The following HNRNPL variants were observed in gnomAD, a reference collection of about 807,000 sequenced individuals.
HNRNPL encodes epididymis secretory sperm binding protein.
Under a neutral mutation model 64.0 loss-of-function variants are expected in HNRNPL, and 12 were observed. The observed-to-expected ratio is 0.19, with a 90% CI of 0.12 to 0.30. HNRNPL has a LOEUF of 0.30. Among genes scored for constraint, HNRNPL ranks in the 10% least tolerant of loss-of-function variants. The pLI is 1.00. For missense variants in HNRNPL, 484 were observed against 797.4 expected (o/e 0.61, Z 4.73); for synonymous variants, 385 against 313.0 (o/e 1.23, Z -2.43).
At chr19:38,839,097 AC>A in intron 8 of HNRNPL, 82 bp from the exon 9 acceptor site, 1 of 1,559,222 alleles carries the variant, frequency 6.4e-7, no homozygotes, top group Non-Finnish European at 8.8e-7. Flanking sequence ...AGTGATAATA[AC>A]CCCTGCTCTG....
At chr19:38,836,886 G>A (rs1467646146) in intron 12 of HNRNPL, 106 bp from the exon 13 acceptor site, 5 of 758,052 alleles carry the variant, frequency 6.6e-6, no homozygotes, top group African/African-American at 1.7e-5. Flanking sequence ...GTCAACGGCA[G>A]GGGTCTAAGG....
intron 6 of HNRNPL, chr19:38,841,732 G>A (rs766249596): frequency 2.3e-5 from 18 of 773,554 alleles, no homozygotes; most frequent in South Asian, 1.2e-4. Context: ...GTACACATCC[G>A]CTACAATTTT....
intron 9 of HNRNPL, 76 bp downstream of exon 9, chr19:38,838,818 G>T: frequency 6.3e-7 from 1 of 1,586,526 alleles, no homozygotes. Flanking sequence ...GCCTCACTGT[G>T]CTCCTCTGCT....
At chr19:38,843,712 A>AC (rs1437856190) in intron 6 of HNRNPL, 130 bp downstream of exon 6, 4 of 729,822 alleles carry the variant, frequency 5.5e-6, no homozygotes, top group Non-Finnish European at 9.4e-6. Flanking sequence ...CCAAGTGCTG[A>AC]CCCCAAGGCC....
At chr19:38,838,370 C>A (rs1018417807) in intron 10 of HNRNPL, 27 bp downstream of exon 10, 4 of 1,589,612 alleles carry the variant, frequency 2.5e-6, no homozygotes, top group Non-Finnish European at 3.4e-6. Flanking sequence ...AAGGACCCGA[C>A]TGCCTGCGCA....
Position 38,849,689 on chromosome 19 carries a change from C to T in HNRNPL, c.267+11G>A. On this transcript the variant is annotated intron_variant, in intron 1 of 12. Transcript: ENST00000221419. ...TCCCGGCCTTCCCAGCGCCTAGGGC[C>T]CTGGCCTCACCCCACCGCCGCCGCC... 1 of 1,349,134 alleles carries T rather than the reference C, an allele frequency of 7.4e-7. No homozygotes were observed. Among genetic ancestry groups the T allele is most frequent in the Non-Finnish European group, 9.4e-7 (1 of 1,060,300 alleles). 83.6% of individuals were successfully genotyped at this position (1,349,134 alleles called of 1,614,324 possible).
chr19:38,845,822 G>C (rs1482918815), intron 3 of HNRNPL, 31 bp downstream of exon 3: 2 of 1,599,912 alleles, frequency 1.3e-6, no homozygotes, highest in Non-Finnish European at 1.7e-6. Context: ...AAGGAAGGGA[G>C]ACCTCACAAG....
intron 10 of HNRNPL, among the ~76,000 whole-genome samples, chr19:38,838,015 C>T (rs776449500): frequency 1.3e-5 from 2 of 152,238 alleles, no homozygotes; most frequent in Admixed American, 1.3e-4. Flanking sequence ...CCTGACTGAG[C>T]TTTACAGGGC....
chr19:38,838,794 G>T, intron 9 of HNRNPL, 100 bp downstream of exon 9: 2 of 1,504,728 alleles, frequency 1.3e-6, no homozygotes, highest in Non-Finnish European at 1.8e-6. Flanking sequence ...ATTTCTGTGT[G>T]AGTCAACACC....
At chr19:38,846,674 C>T (rs940829190) in intron 2 of HNRNPL, among the ~76,000 whole-genome samples, 1 of 152,022 alleles carries the variant, frequency 6.6e-6, no homozygotes, top group Admixed American at 6.6e-5. Flanking sequence ...TTTGGGAGGC[C>T]GAGGCGGGCA....
At chr19:38,841,994 G>A (rs903407127) in intron 6 of HNRNPL, 10 of 274,976 alleles carry the variant, frequency 3.6e-5, no homozygotes, top group Admixed American at 1.0e-4. Flanking sequence ...TTTTGGCCTT[G>A]GGAGCGCGCC....
chr19:38,840,072 C>T (rs1972058549), intron 8 of HNRNPL, 24 bp downstream of exon 8: 1 of 1,612,440 alleles, frequency 6.2e-7, no homozygotes, highest in African/African-American at 1.3e-5. Context: ...AGCGAGGAAC[C>T]CAGGGGGCCC....
chr19:38,849,892 C>G lies in HNRNPL; in HGVS notation c.75G>C (p.Gln25His). Residue 25 changes from glutamine (Q) to histidine (H), a missense_variant, in exon 1 of 13, where the codon CAG (glutamine) becomes CAC (histidine). Transcript: ENST00000221419. The part of the protein sequence containing the change: ...RLEQRQQPDE[Q>H]RRRSGAMVKM... Reference sequence around the variant, plus strand: ...TCACCATCGCTCCCGACCGCCTCCGCTGCTCGTCCGGCTGCTGCCTCTGCT... The same window carrying G: ...TCACCATCGCTCCCGACCGCCTCCGGTGCTCGTCCGGCTGCTGCCTCTGCT... The G allele has an allele frequency of 8.0e-7, 1 of 1,257,238 alleles. No homozygotes were observed. The highest frequency in any genetic ancestry group is 1.1e-6 in the Non-Finnish European group (1 of 895,574). 77.9% of individuals were successfully genotyped at this position (1,257,238 alleles called of 1,614,324 possible). A position where few individuals can be genotyped will look rare whatever the true frequency, so the allele number is the denominator to read the frequency against.
intron 2 of HNRNPL, 102 bp downstream of exon 2, chr19:38,847,214 G>C: frequency 1.8e-6 from 1 of 564,408 alleles, no homozygotes; most frequent in South Asian, 3.8e-5. Flanking sequence ...ATCTAGACCA[G>C]GATGGCAACA....
rs1475427464 is a variant in HNRNPL at position 38,840,478 on chromosome 19, C to T, written c.952+10G>A. 1.9e-6 allele frequency: 3 copies of T among 1,587,494 alleles called. No individual in the cohort carries two copies. The highest frequency in any genetic ancestry group is 1.7e-6 in the Non-Finnish European group (2 of 1,168,470). ...ACGGGAGTCCACGGAGGGGAACCCC[C>T]TGCCCTCACCATATTCTGCGGGGTG... On this transcript the variant is annotated intron_variant, in intron 7 of 12. Transcript: ENST00000221419.
intron 8 of HNRNPL, chr19:38,839,244 T>C: frequency 1.9e-6 from 1 of 526,078 alleles, no homozygotes; most frequent in East Asian, 3.3e-5. Context: ...GTAAATCATT[T>C]AGTGAAGCAT....
chr19:38,841,960 C>T, intron 6 of HNRNPL: 1 of 322,946 alleles, frequency 3.1e-6, no homozygotes, highest in Non-Finnish European at 6.1e-6. Flanking sequence ...ATGAGGTGTG[C>T]CAGTGGCCCC....
At chr19:38,837,062 A>G (rs572797286) in intron 12 of HNRNPL, 1 of 544,894 alleles carries the variant, frequency 1.8e-6, no homozygotes, top group East Asian at 3.1e-5. Flanking sequence ...TACCTGCTGG[A>G]TAGTGTTGCC....
intron 7 of HNRNPL, 26 bp from the exon 8 acceptor site, chr19:38,840,402 G>T: frequency 6.4e-7 from 1 of 1,565,438 alleles, no homozygotes; most frequent in Non-Finnish European, 8.7e-7. Context: ...GAAAGAGAGG[G>T]AGGACGGGTG....
Sources: allele counts gnomAD v4.1 joint callset (sites outside exome capture counted in the v4.1 genomes callset), GRCh38; gene constraint gnomAD v4.1.1; transcripts MANE v1.5; gene names NCBI Gene and HGNC (gene_info 2026-07-23, HGNC 2026-07-21).